BMERB1: variants seen among roughly 807,000 people sequenced by gnomAD.
The protein encoded by BMERB1 is bMERB domain-containing protein 1.
In BMERB1, 12 loss-of-function variants were observed where a neutral mutation model predicts 23.6. That is an observed-to-expected ratio of 0.51 (90% confidence interval 0.33 to 0.82). BMERB1 has a LOEUF of 0.82. Among genes scored for constraint, BMERB1 ranks in the 40% least tolerant of loss-of-function variants. BMERB1 has a pLI of 0.03. For synonymous variants in BMERB1, 122 were observed against 96.6 expected (o/e 1.26, Z -1.54); for missense variants, 247 against 255.4 (o/e 0.97, Z 0.22).
At position 15,515,303 on chromosome 16, in the gene BMERB1, A is replaced by G; in HGVS notation, c.107-2A>G. On this transcript the variant is annotated splice_acceptor_variant, in intron 1 of 5. Transcript: ENST00000300006. LOFTEE classifies it high-confidence loss of function. ...TGGTTGTATTTCCTGTCTCCTGCAC[A>G]GATCAGCTGGACATCATCTCCATGG... 1 of 1,613,408 alleles carries G rather than the reference A, an allele frequency of 6.2e-7. No homozygotes were observed.
At chr16:15,434,835 G>T (rs1398172429) in intron 1 of BMERB1, 76 bp downstream of exon 1, 4 of 1,314,660 alleles carry the variant, frequency 3.0e-6, no homozygotes, top group African/African-American at 1.5e-5. Context: ...TCGCGGGAGC[G>T]CGAGGAACGC....
rs112632597 is a variant in BMERB1, at chr16:15,572,327, C to T, written c.304+4271C>T. On this transcript the variant is annotated intron_variant, in intron 3 of 5. Transcript: ENST00000300006. The stretch of plus-strand genomic sequence containing the variant: ...ACAGTCTTGTTGTAAGGGTAGTGTG[C>T]GCAATGACAGTAGAACTGAATCCTC... Among the ~76,000 whole-genome samples the T allele has an allele frequency of 1.3e-3, 203 of 152,256 alleles. 1 individual carries two copies. The highest frequency in any genetic ancestry group is 4.6e-3 in the African/African-American group (191 of 41,532).
At chr16:15,493,842 T>C (rs1452766780) in intron 1 of BMERB1, among the ~76,000 whole-genome samples, 1 of 152,188 alleles carries the variant, frequency 6.6e-6, no homozygotes, top group African/African-American at 2.4e-5. Flanking sequence ...GGCACATGAT[T>C]TTCAGGCTAA....
chr16:15,488,562 G>C (rs115856112), intron 1 of BMERB1, among the ~76,000 whole-genome samples: 1 of 151,806 alleles, frequency 6.6e-6, no homozygotes, highest in Non-Finnish European at 1.5e-5. Flanking sequence ...GGCTGGGCGC[G>C]GTGGCCCACA....
intron 1 of BMERB1, among the ~76,000 whole-genome samples, chr16:15,453,985 C>T (rs139726714): frequency 7.2e-5 from 11 of 152,244 alleles, no homozygotes; most frequent in African/African-American, 2.6e-4. Flanking sequence ...CTCTCCTCCT[C>T]TTCTTCCTGT....
chr16:15,514,517 G>A (rs1001598538), intron 1 of BMERB1, among the ~76,000 whole-genome samples: 9 of 151,996 alleles, frequency 5.9e-5, no homozygotes, highest in Admixed American at 2.0e-4. Context: ...CCAGCCAGGC[G>A]TGGTGGCCTC....
intron 1 of BMERB1, among the ~76,000 whole-genome samples, chr16:15,460,138 T>G (rs1208940430): frequency 1.3e-5 from 2 of 152,154 alleles, no homozygotes; most frequent in Non-Finnish European, 2.9e-5. Context: ...TCCCCTACCC[T>G]TCTCCAACTT....
In BMERB1 at chr16:15,498,927, C is replaced by G. The variant is rs541865157; in HGVS notation, c.107-16378C>G. 3.0e-3 allele frequency among the ~76,000 whole-genome samples: 456 copies of G among 152,354 alleles called. 5 individuals carry two copies. Among genetic ancestry groups the G allele is most frequent in the African/African-American group, 0.011 (441 of 41,586 alleles). Reference sequence around the variant, plus strand: ...CAAAGAAGCGTCCAACTCCAAATGTCAAAGCACTCACAGGCTATGGAGCAG... The same window carrying G: ...CAAAGAAGCGTCCAACTCCAAATGTGAAAGCACTCACAGGCTATGGAGCAG... On this transcript the variant is annotated intron_variant, in intron 1 of 5. Coordinates refer to ENST00000300006, the MANE Select transcript of BMERB1 (RefSeq NM_033201.3).
chr16:15,438,755 T>C lies in BMERB1; in HGVS notation c.106+3996T>C, dbSNP rs2050910936. The stretch of plus-strand genomic sequence containing the variant: ...GATTACAGATGTGAGCTACCATGCC[T>C]GGGCCTGTTTTCTAGATGCGTGTTT... On this transcript the variant is annotated intron_variant, in intron 1 of 5. Transcript: ENST00000300006. Among the ~76,000 whole-genome samples the C allele has an allele frequency of 3.9e-5, 6 of 152,170 alleles. No homozygotes were observed. The South Asian group carries it at 1.2e-3, about 32-fold the overall frequency.
intron 2 of BMERB1, among the ~76,000 whole-genome samples, chr16:15,554,689 T>C (rs1166010955): frequency 6.7e-6 from 1 of 149,818 alleles, no homozygotes; most frequent in East Asian, 2.0e-4. Flanking sequence ...TTTTTTTAGA[T>C]GGTGTCTCGC....
At chr16:15,487,196 T>A (rs2051376001) in intron 1 of BMERB1, among the ~76,000 whole-genome samples, 1 of 152,226 alleles carries the variant, frequency 6.6e-6, no homozygotes, top group African/African-American at 2.4e-5. Flanking sequence ...GTACTTTTGA[T>A]TTATAACCTT....
intron 1 of BMERB1, among the ~76,000 whole-genome samples, chr16:15,462,032 A>G (rs532851990): frequency 2.0e-5 from 3 of 151,208 alleles, no homozygotes; most frequent in East Asian, 2.0e-4. Flanking sequence ...TAAACAACAT[A>G]TATGATTTTG....
chr16:15,566,458 T>C lies in BMERB1; in HGVS notation c.231-1525T>C, dbSNP rs111591794. On this transcript the variant is annotated intron_variant, in intron 2 of 5. Coordinates refer to ENST00000300006, the MANE Select transcript of BMERB1 (RefSeq NM_033201.3). ...TGTATTAGGAAACAACCCAGATGTC[T>C]ATGAATAGGGGAATAGTTAAATAAA... Among the ~76,000 whole-genome samples the C allele has an allele frequency of 6.6e-5, 10 of 152,300 alleles. 1 individual carries two copies. The highest frequency in any genetic ancestry group is 2.4e-4 in the African/African-American group (10 of 41,564).
chr16:15,572,148 C>T (rs767890982), intron 3 of BMERB1, among the ~76,000 whole-genome samples: 2 of 152,184 alleles, frequency 1.3e-5, no homozygotes, highest in Non-Finnish European at 2.9e-5. Flanking sequence ...TTGAATTCAG[C>T]CTTAGCAGGC....
rs1445803747 is a variant in BMERB1 at position 15,487,346 on chromosome 16, G to T, written c.107-27959G>T. On this transcript the variant is annotated intron_variant, in intron 1 of 5. Coordinates refer to ENST00000300006, the MANE Select transcript of BMERB1 (RefSeq NM_033201.3). ...GAAATTTAAAGCCTTTAATATCTTA[G>T]TTTATAAAAGACAAGTTACAGAATG... 2.0e-5 allele frequency among the ~76,000 whole-genome samples: 3 copies of T among 152,186 alleles called. No individual in the cohort carries two copies. In the East Asian group the frequency reaches 5.8e-4, roughly 29 times the overall value.
At chr16:15,454,049 T>C (rs541837577) in intron 1 of BMERB1, among the ~76,000 whole-genome samples, 1 of 152,108 alleles carries the variant, frequency 6.6e-6, no homozygotes, top group Admixed American at 6.6e-5. Flanking sequence ...TCTGGTCTCT[T>C]TTCTCACACA....
chr16:15,474,245 T>G (rs980365205), intron 1 of BMERB1, among the ~76,000 whole-genome samples: 8 of 152,172 alleles, frequency 5.3e-5, no homozygotes. Flanking sequence ...TGGGATTTTC[T>G]CAGCTTCTTG....
At chr16:15,454,352 C>G (rs1216993655) in intron 1 of BMERB1, among the ~76,000 whole-genome samples, 10 of 152,168 alleles carry the variant, frequency 6.6e-5, no homozygotes, top group Admixed American at 3.3e-4. Context: ...GGAAGGAAAC[C>G]GAGGCAGTGT....
chr16:15,439,726 G>A (rs1177865182), intron 1 of BMERB1, among the ~76,000 whole-genome samples: 1 of 152,136 alleles, frequency 6.6e-6, no homozygotes, highest in African/African-American at 2.4e-5. Flanking sequence ...TGACATTTCA[G>A]CGTGGTTAGA....
Sources: gnomAD v4.1 joint callset for allele counts (sites outside exome capture counted in the v4.1 genomes callset) on GRCh38, gnomAD v4.1.1 for gene constraint, MANE v1.5 for transcripts, NCBI Gene and HGNC (gene_info 2026-07-23, HGNC 2026-07-21) for gene names.